Variants in DAD1 observed in about 807,000 individuals in gnomAD.
The protein encoded by DAD1 is dolichyl-diphosphooligosaccharide--protein glycosyltransferase subunit DAD1.
A neutral mutation model predicts 9.0 loss-of-function variants in DAD1; 4 were observed. The ratio of observed to expected loss-of-function variants is 0.44; its 90% CI spans 0.22 to 1.01. The LOEUF is 1.01. Ranked by LOEUF, DAD1 falls within the 50% of genes least tolerant of loss-of-function variation. The pLI is 0.24. For missense variants in DAD1, 119 were observed against 137.3 expected, an observed-to-expected ratio of 0.87 and a Z score of 0.67; for synonymous variants, 60 against 62.5, an observed-to-expected ratio of 0.96 and a Z score of 0.19.
chr14:22,573,758 G>A (rs1020117888), intron 2 of DAD1, among the ~76,000 whole-genome samples: 7 of 146,154 alleles, frequency 4.8e-5, no homozygotes, highest in African/African-American at 5.0e-5. Context: ...GTTTTTCACT[G>A]AAATAAACCT....
At chr14:22,573,369 G>C (rs2037054277) in intron 2 of DAD1, among the ~76,000 whole-genome samples, 2 of 152,100 alleles carry the variant, frequency 1.3e-5, no homozygotes, top group Non-Finnish European at 2.9e-5. Flanking sequence ...GAAGGGGAGG[G>C]AGGAAGGGAG....
chr14:22,577,292 G>A (rs530186450), intron 1 of DAD1, among the ~76,000 whole-genome samples: 4 of 152,214 alleles, frequency 2.6e-5, no homozygotes, highest in Admixed American at 2.6e-4. Flanking sequence ...AAATTAGCTG[G>A]GCGTGGTGGT....
At chr14:22,585,939 G>C (rs760221878) in intron 1 of DAD1, among the ~76,000 whole-genome samples, 1 of 152,190 alleles carries the variant, frequency 6.6e-6, no homozygotes, top group Admixed American at 6.5e-5. Context: ...GGGTGTGGTG[G>C]CTCACGCCTG....
Position 22,564,997 on chromosome 14 carries a change from T to C in DAD1, c.*185A>G. ...GGATTAATAAATGTTTGTTAGAAAG[T>C]TGTTCTGACACACAGTGAACTCTGG... On this transcript the variant is annotated 3_prime_UTR_variant, in exon 3 of 3. Coordinates refer to ENST00000250498, the MANE Select transcript of DAD1 (RefSeq NM_001344.4). 8.0e-6 allele frequency: 5 copies of C among 623,016 alleles called. No individual in the cohort carries two copies. The highest frequency in any genetic ancestry group is 5.4e-5 in the South Asian group (3 of 55,424). The allele number at this position is 623,016 out of a possible 1,614,324, so 38.6% of individuals were successfully genotyped here.
At chr14:22,586,510 TC>T (rs1242820318) in intron 1 of DAD1, among the ~76,000 whole-genome samples, 9 of 152,020 alleles carry the variant, frequency 5.9e-5, no homozygotes, top group African/African-American at 2.2e-4. Flanking sequence ...GCCATTGCAC[TC>T]CAGCCTGAGA....
At chr14:22,565,164 ATG>A in intron 2 of DAD1, 27 bp from the exon 3 acceptor site, 1 of 702,156 alleles carries the variant, frequency 1.4e-6, no homozygotes, top group Non-Finnish European at 2.6e-6. Flanking sequence ...GCAAGGTTAA[ATG>A]TCTTATGATA....
intron 2 of DAD1, 63 bp from the exon 3 acceptor site, chr14:22,565,200 T>C (rs1202567415): frequency 1.4e-6 from 1 of 696,500 alleles, no homozygotes; most frequent in African/African-American, 1.8e-5. Context: ...CCCAAATCCT[T>C]CCATCTAAAT....
At chr14:22,568,695 AT>A (rs59847356) in intron 2 of DAD1, among the ~76,000 whole-genome samples, 40,028 of 136,254 alleles carry the variant, frequency 0.29, 5,049 homozygotes, top group South Asian at 0.36. Context: ...AAGTCTTCTG[AT>A]TTTTTTTTTT....
chr14:22,587,960 T>C (rs1417797524), intron 1 of DAD1, among the ~76,000 whole-genome samples: 1 of 152,154 alleles, frequency 6.6e-6, no homozygotes, highest in East Asian at 1.9e-4. Flanking sequence ...GGTCTTGAAC[T>C]CCTGACCTCA....
intron 1 of DAD1, among the ~76,000 whole-genome samples, chr14:22,583,664 C>A (rs943735121): frequency 2.0e-5 from 3 of 151,862 alleles, no homozygotes; most frequent in Non-Finnish European, 4.4e-5. Flanking sequence ...TGGGAATGAT[C>A]CAGGAGAGAA....
At chr14:22,585,346 C>T (rs1328096567) in intron 1 of DAD1, among the ~76,000 whole-genome samples, 1 of 152,186 alleles carries the variant, frequency 6.6e-6, no homozygotes, top group Non-Finnish European at 1.5e-5. Flanking sequence ...CTACTTATCC[C>T]TCCTAAATAG....
At chr14:22,579,719 G>A (rs949880634) in intron 1 of DAD1, among the ~76,000 whole-genome samples, 2 of 151,858 alleles carry the variant, frequency 1.3e-5, no homozygotes, top group Non-Finnish European at 2.9e-5. Context: ...ACATCAAGGG[G>A]ATTAAACTAT....
chr14:22,589,066 A>G lies in DAD1; in HGVS notation c.92T>C (p.Leu31Pro). 2 of 1,614,222 alleles carry G rather than the reference A, an allele frequency of 1.2e-6. No homozygotes were observed. The highest frequency in any genetic ancestry group is 1.7e-6 in the Non-Finnish European group (2 of 1,180,030). Residue 31 changes from leucine (L) to proline (P), a missense_variant, in exon 1 of 3, where the codon CTG (leucine) becomes CCG (proline). Leu to Pro is a moderately conservative substitution (Grantham distance 98). Transcript: ENST00000250498. ...PQRLKLLDAYLLYILLTGALQ... is the reference protein window; with the variant it reads ...PQRLKLLDAYPLYILLTGALQ... ...CGCCCCGGTCAGCAGTATATACAGC[A>G]GGTACGCGTCCAGCAACTTCAGACG...
intron 1 of DAD1, among the ~76,000 whole-genome samples, chr14:22,585,954 C>G (rs1251845666): frequency 6.6e-6 from 1 of 152,214 alleles, no homozygotes; most frequent in Non-Finnish European, 1.5e-5. Context: ...CGCCTGTAAT[C>G]CCAACACTTT....
chr14:22,577,775 A>T (rs886842013), intron 1 of DAD1, among the ~76,000 whole-genome samples: 1 of 152,232 alleles, frequency 6.6e-6, no homozygotes, highest in Non-Finnish European at 1.5e-5. Context: ...AGGGACTGAC[A>T]GAGAGGAGGA....
intron 1 of DAD1, 112 bp from the exon 2 acceptor site, chr14:22,575,345 T>C (rs2037069325): frequency 1.6e-6 from 2 of 1,214,184 alleles, no homozygotes; most frequent in Admixed American, 2.5e-5. Context: ...CAGAAATGAA[T>C]GCATATATAC....
At chr14:22,585,733 C>T (rs148605240) in intron 1 of DAD1, among the ~76,000 whole-genome samples, 2 of 152,032 alleles carry the variant, frequency 1.3e-5, no homozygotes, top group African/African-American at 2.4e-5. Flanking sequence ...GGTTTGGTAG[C>T]GTTCTGAATT....
At chr14:22,568,752 A>C (rs1234281257) in intron 2 of DAD1, among the ~76,000 whole-genome samples, 1 of 150,186 alleles carries the variant, frequency 6.7e-6, no homozygotes, top group Non-Finnish European at 1.5e-5. Flanking sequence ...GCTGGAGTGC[A>C]AGTGGCATGA....
At chr14:22,583,424 G>A (rs1027671985) in intron 1 of DAD1, among the ~76,000 whole-genome samples, 1 of 151,102 alleles carries the variant, frequency 6.6e-6, no homozygotes, top group East Asian at 1.9e-4. Context: ...AATGCTAAAC[G>A]TTGCAACATG....
Sources: allele counts gnomAD v4.1 joint callset (sites outside exome capture counted in the v4.1 genomes callset), GRCh38; gene constraint gnomAD v4.1.1; transcripts MANE v1.5; gene names NCBI Gene and HGNC (gene_info 2026-07-23, HGNC 2026-07-21).